The following TBX20 variants were observed in gnomAD, a reference collection of about 807,000 sequenced individuals.
TBX20 encodes T-box transcription factor TBX20.
In TBX20, 8 loss-of-function variants were observed where a neutral mutation model predicts 42.9. That is an observed-to-expected ratio of 0.19 (90% CI 0.11 to 0.34). The LOEUF (loss-of-function observed/expected upper bound fraction) is 0.34, where lower values mean the gene tolerates loss of function less well. Among genes scored for constraint, TBX20 ranks in the 10% least tolerant of loss-of-function variants. The pLI is 1.00. For missense variants in TBX20, 411 were observed against 566.0 expected (o/e 0.73, Z 2.78); for synonymous variants, 198 against 222.8 (o/e 0.89, Z 0.99).
At chr7:35,230,992 T>G (rs1424506990) in intron 6 of TBX20, among the ~76,000 whole-genome samples, 1 of 152,202 alleles carries the variant, frequency 6.6e-6, no homozygotes, top group Non-Finnish European at 1.5e-5. Flanking sequence ...CTTGTCTTCT[T>G]AGAGGTCCTG....
chr7:35,225,367 A>C (rs1584347728), intron 6 of TBX20, among the ~76,000 whole-genome samples: 1 of 152,266 alleles, frequency 6.6e-6, no homozygotes, highest in South Asian at 2.1e-4. Flanking sequence ...TTATTATTTC[A>C]ATATATCTAA....
chr7:35,216,813 A>G (rs1347449436), intron 6 of TBX20, among the ~76,000 whole-genome samples: 1 of 152,190 alleles, frequency 6.6e-6, no homozygotes, highest in African/African-American at 2.4e-5. Context: ...AAAATGTCAA[A>G]TCCATGAAAA....
At chr7:35,242,784 G>A (rs978819209) in intron 4 of TBX20, among the ~76,000 whole-genome samples, 3 of 152,082 alleles carry the variant, frequency 2.0e-5, no homozygotes, top group Admixed American at 6.5e-5. Flanking sequence ...TAATAGAAAC[G>A]TGGACTCTGC....
At chr7:35,204,950 T>C (rs1284470922) in intron 6 of TBX20, among the ~76,000 whole-genome samples, 1 of 152,194 alleles carries the variant, frequency 6.6e-6, no homozygotes, top group Non-Finnish European at 1.5e-5. Flanking sequence ...GCAATGACTC[T>C]TCTTACTGAC....
chr7:35,248,649 T>G, intron 3 of TBX20, 28 bp downstream of exon 3: 1 of 1,613,372 alleles, frequency 6.2e-7, no homozygotes, highest in Non-Finnish European at 8.5e-7. Context: ...CTAACAGTTT[T>G]CTCAGTGAAA....
At chr7:35,251,020 C>A (rs961151268) in intron 1 of TBX20, among the ~76,000 whole-genome samples, 2 of 152,116 alleles carry the variant, frequency 1.3e-5, no homozygotes, top group African/African-American at 4.8e-5. Context: ...AAATCCAGAC[C>A]AGCAGTGTAT....
intron 1 of TBX20, 100 bp from the exon 2 acceptor site, chr7:35,250,303 GA>G: frequency 6.9e-7 from 1 of 1,446,210 alleles, no homozygotes; most frequent in Non-Finnish European, 9.4e-7. Flanking sequence ...TTTGACTCAG[GA>G]AAAGTTAAGC....
chr7:35,206,072 C>A (rs954881434), intron 6 of TBX20, among the ~76,000 whole-genome samples: 1 of 152,176 alleles, frequency 6.6e-6, no homozygotes. Flanking sequence ...CTAGAATGTT[C>A]CAGTTTCCAG....
chr7:35,253,797 C>A lies in TBX20; in HGVS notation c.-177G>T, dbSNP rs1022710837. On this transcript the variant is annotated 5_prime_UTR_variant, in exon 1 of 8. It introduces an in-frame stop codon into an upstream open reading frame of the 5' UTR. Transcript: ENST00000408931. ...CCAGAGCTGCACACTGGCCTCTATTCCCCACCGCAAAGCCCCAGAGCCGCA... is the reference window on the plus strand; with the variant it reads ...CCAGAGCTGCACACTGGCCTCTATTACCCACCGCAAAGCCCCAGAGCCGCA... The A allele has an allele frequency of 3.5e-5, 26 of 746,660 alleles. No individual in the cohort carries two copies. The highest frequency in any genetic ancestry group is 5.3e-5 in the Non-Finnish European group (25 of 472,692). The allele number at this position is 746,660 out of a possible 1,614,324, so 46.3% of individuals were successfully genotyped here.
intron 6 of TBX20, among the ~76,000 whole-genome samples, chr7:35,227,438 A>AT (rs962322660): frequency 7.9e-5 from 12 of 151,922 alleles, no homozygotes; most frequent in South Asian, 6.2e-4. Context: ...CAGGTGTACC[A>AT]TTTTTTTTGT....
intron 6 of TBX20, among the ~76,000 whole-genome samples, chr7:35,217,840 C>T (rs182835268): frequency 7.9e-5 from 12 of 152,276 alleles, no homozygotes; most frequent in Non-Finnish European, 1.6e-4. Context: ...CCTGCCTCAG[C>T]CTCCCGAGTA....
chr7:35,226,983 G>T (rs1789783155), intron 6 of TBX20, among the ~76,000 whole-genome samples: 2 of 151,690 alleles, frequency 1.3e-5, no homozygotes, highest in South Asian at 4.2e-4. Context: ...AGTGACAGAA[G>T]ATGTGGAGGT....
intron 4 of TBX20, among the ~76,000 whole-genome samples, chr7:35,244,148 T>C (rs568065011): frequency 6.6e-6 from 1 of 152,356 alleles, no homozygotes; most frequent in African/African-American, 2.4e-5. Context: ...GAAGTCCATC[T>C]AAAGTTTTCT....
At chr7:35,220,202 G>T (rs1413859796) in intron 6 of TBX20, among the ~76,000 whole-genome samples, 1 of 152,202 alleles carries the variant, frequency 6.6e-6, no homozygotes, top group African/African-American at 2.4e-5. Context: ...GCTTCTGTTG[G>T]AACTTCATCA....
rs181470103 is a variant in TBX20 at position 35,208,412 on chromosome 7, C to T, written c.891-3830G>A. 3.8e-3 allele frequency among the ~76,000 whole-genome samples: 573 copies of T among 152,208 alleles called. 1 individual carries two copies. Among genetic ancestry groups the T allele is most frequent in the African/African-American group, 0.013 (548 of 41,536 alleles). On this transcript the variant is annotated intron_variant, in intron 6 of 7. Transcript: ENST00000408931. ...GACTTTGATTTTTCCTGACTTATTG[C>T]AATGGCTAAAACTACCTGTACAATG...
intron 6 of TBX20, among the ~76,000 whole-genome samples, chr7:35,211,422 G>A (rs1789493857): frequency 1.3e-5 from 2 of 151,982 alleles, no homozygotes; most frequent in Admixed American, 6.6e-5. Flanking sequence ...GTTTCCTGGT[G>A]GTGAATTCTT....
rs1221289056 is a variant in TBX20, at chr7:35,249,737, G to C, written c.380+214C>G. On this transcript the variant is annotated intron_variant, in intron 2 of 7. Coordinates refer to ENST00000408931, the MANE Select transcript of TBX20 (RefSeq NM_001077653.2). The surrounding 1 kb of genome is among the most constrained non-coding windows in gnomAD (Gnocchi z 4.3). ...CCTGTGCCCTTCTCAACAAAGCCAG[G>C]GTGGGGCTTCCCATGACCAAATCCT... 6.6e-6 allele frequency among the ~76,000 whole-genome samples: 1 copy of C among 152,126 alleles called. No homozygotes were observed. The highest frequency in any genetic ancestry group is 2.4e-5 in the African/African-American group (1 of 41,418).
Position 35,249,086 on chromosome 7 carries a change from A to AAGGTGG in TBX20, c.381-251_381-246dup, listed in dbSNP as rs1790254023. Among the ~76,000 whole-genome samples the AAGGTGG allele has an allele frequency of 3.7e-5, 3 of 81,922 alleles. No homozygotes were observed. Among genetic ancestry groups the AAGGTGG allele is most frequent in the African/African-American group, 4.8e-5 (1 of 21,044 alleles). The allele number at this position is 81,922 out of a possible 152,430, so 53.7% of individuals were successfully genotyped here. ...AAGCAGGTGTTAATTGCTAGGTGAA[A>AAGGTGG]AGGTGGGGGTGGGGGTGGGGGTATG... On this transcript the variant is annotated intron_variant, in intron 2 of 7. Transcript: ENST00000408931. This position sits in a 1 kb window ranked among gnomAD's most constrained non-coding sequence, Gnocchi z 4.3.
intron 4 of TBX20, among the ~76,000 whole-genome samples, chr7:35,243,010 C>T (rs868101047): frequency 6.6e-6 from 1 of 152,080 alleles, no homozygotes; most frequent in South Asian, 2.1e-4. Flanking sequence ...CAGGGTCTTG[C>T]TCTGTCACCC....
Sources: gnomAD v4.1 joint callset for allele counts (sites outside exome capture counted in the v4.1 genomes callset) on GRCh38, gnomAD v4.1.1 for gene constraint, Gnocchi (gnomAD v3.1) non-coding constraint, MANE v1.5 for transcripts, NCBI Gene and HGNC (gene_info 2026-07-23, HGNC 2026-07-21) for gene names.